Variants in USP11 observed in about 807,000 individuals in gnomAD.
USP11 encodes ubiquitin carboxyl-terminal hydrolase 11.
A neutral mutation model predicts 72.8 loss-of-function variants in USP11; 5 were observed. The observed-to-expected ratio is 0.07, with a 90% CI of 0.04 to 0.14. The LOEUF (loss-of-function observed/expected upper bound fraction) is 0.14. Among genes scored for constraint, USP11 ranks in the 10% least tolerant of loss-of-function variants. The pLI is 1.00. For synonymous variants in USP11, 368 were observed against 326.5 expected, an observed-to-expected ratio of 1.13 and a Z score of -1.37; for missense variants, 480 against 794.7, an observed-to-expected ratio of 0.60 and a Z score of 4.76.
intron 17 of USP11, 90 bp from the exon 18 acceptor site, chrX:47,246,982 C>G (rs1370536556): frequency 1.9e-6 from 2 of 1,080,501 alleles, no homozygotes; most frequent in Non-Finnish European, 2.4e-6. Flanking sequence ...GATCGCGCCA[C>G]TGTACTCCAG....
In USP11 at chrX:47,247,964, AAAAG is replaced by A; in HGVS notation, c.*35_*38del. On this transcript the variant is annotated 3_prime_UTR_variant, in exon 21 of 21. Coordinates refer to ENST00000377107, the MANE Select transcript of USP11 (RefSeq NM_001371072.1). ...GGTCCTGCCACAGAAAAAAAAAAAA[AAAAG>A]CCCTCTCTGCAATCTCGCTTCTCGT... 2.6e-6 allele frequency: 3 copies of A among 1,152,463 alleles called. No individual in the cohort carries two copies. Among genetic ancestry groups the A allele is most frequent in the Middle Eastern group, 2.5e-4 (1 of 3,969 alleles). The allele number at this position is 1,152,463 out of a possible 1,213,427, so 95.0% of individuals were successfully genotyped here. A position where few individuals can be genotyped will look rare whatever the true frequency, so the allele number is the denominator to read the frequency against.
In USP11 at chrX:47,242,535, A is replaced by G. The variant is rs371857039; in HGVS notation, c.1488+13A>G. 6.4e-5 allele frequency: 77 copies of G among 1,209,701 alleles called. No individual in the cohort carries two copies. The African/African-American group carries it at 1.1e-3, about 18-fold the overall frequency. ...CTCGCCAGAGAGGGTGAGACTGCAG[A>G]AGGAGGCTGGATGGGATTCCAGGGC... On this transcript the variant is annotated intron_variant, in intron 11 of 20. Transcript: ENST00000377107.
Position 47,241,710 on chromosome X carries a change from C to A in USP11, c.1179+11C>A. 8.5e-7 allele frequency: 1 copy of A among 1,174,596 alleles called. No homozygotes were observed. Among genetic ancestry groups the A allele is most frequent in the Non-Finnish European group, 1.1e-6 (1 of 878,541 alleles). On this transcript the variant is annotated intron_variant, in intron 9 of 20. Transcript: ENST00000377107. Reference sequence around the variant, plus strand: ...GGGCGACCGGATCAGGTAGGCTGCCCCCGCATTTGCAGTCCAATTAACATC... The same window carrying A: ...GGGCGACCGGATCAGGTAGGCTGCCACCGCATTTGCAGTCCAATTAACATC...
chrX:47,236,317 C>T (rs1052033789), intron 1 of USP11, among the ~76,000 whole-genome samples: 2 of 112,262 alleles, frequency 1.8e-5, no homozygotes, highest in African/African-American at 3.2e-5. Context: ...TTATTGCTGT[C>T]CATTTTCCAT....
At chrX:47,245,112 G>A (rs755473507) in intron 16 of USP11, 26 bp downstream of exon 16, 5 of 1,201,577 alleles carry the variant, frequency 4.2e-6, no homozygotes, top group Non-Finnish European at 5.6e-6. Context: ...GGGATGGGGG[G>A]TACTTCCAGC....
intron 2 of USP11, 33 bp downstream of exon 2, chrX:47,239,212 C>T: frequency 1.7e-6 from 2 of 1,186,840 alleles, no homozygotes; most frequent in Non-Finnish European, 2.3e-6. Flanking sequence ...TCACCCTAGC[C>T]CTGGAGTTCT....
intron 9 of USP11, 66 bp from the exon 10 acceptor site, chrX:47,242,016 C>T: frequency 3.6e-6 from 4 of 1,113,655 alleles, no homozygotes; most frequent in Non-Finnish European, 1.2e-6. Context: ...CATTTGAATG[C>T]ACCCCAAGCC....
At chrX:47,233,455 T>A in intron 1 of USP11, 1 of 1,044,938 alleles carries the variant, frequency 9.6e-7, no homozygotes. Flanking sequence ...AAATGGGGTT[T>A]GTTGTGATGA....
chrX:47,239,684 T>G (rs750426192), intron 3 of USP11, 106 bp from the exon 4 acceptor site: 33 of 990,507 alleles, frequency 3.3e-5, no homozygotes, highest in Admixed American at 6.9e-5. Flanking sequence ...ATATGTGTGT[T>G]TGTATGCTAT....
intron 12 of USP11, 68 bp from the exon 13 acceptor site, chrX:47,243,328 C>A: frequency 9.1e-7 from 1 of 1,100,522 alleles, no homozygotes; most frequent in Non-Finnish European, 1.2e-6. Flanking sequence ...GTGGGTGGGG[C>A]AGCCAGGGCA....
In USP11 at chrX:47,245,423, G is replaced by A. The variant is rs758253722; in HGVS notation, c.2211G>A (p.Arg737=). The A allele has an allele frequency of 1.3e-5, 16 of 1,210,327 alleles. No individual in the cohort carries two copies. The East Asian group carries it at 3.8e-4, about 29-fold the overall frequency. Residue 737 remains arginine (R), a synonymous_variant, in exon 17 of 21, where the codon CGG becomes CGA. Coordinates refer to ENST00000377107, the MANE Select transcript of USP11 (RefSeq NM_001371072.1). Reference sequence around the variant, plus strand: ...ACGTGATGAAGAAGGCTCCCGTGCGGCTGCAGGAGTGCATTGAGCTCTTCA... The same window carrying A: ...ACGTGATGAAGAAGGCTCCCGTGCGACTGCAGGAGTGCATTGAGCTCTTCA... The part of the protein sequence containing the change: ...VGYVMKKAPV[R]LQECIELFTT...
intron 1 of USP11, among the ~76,000 whole-genome samples, chrX:47,234,490 A>AAT (rs771984399): frequency 3.1e-4 from 35 of 112,187 alleles, no homozygotes; most frequent in African/African-American, 1.1e-3. Context: ...TGTGAAAAAT[A>AAT]ATATCCTTGT....
chrX:47,245,060 C>T lies in USP11; in HGVS notation c.2131C>T (p.Arg711Cys). 1 of 1,211,596 alleles carries T rather than the reference C, an allele frequency of 8.3e-7. No homozygotes were observed. Among genetic ancestry groups the T allele is most frequent in the Non-Finnish European group, 1.1e-6 (1 of 895,405 alleles). The change falls in exon 16 of 21, where the codon CGT becomes TGT. Residue 711 changes from arginine to cysteine, a missense_variant. Arg to Cys is a radical substitution (Grantham distance 180). This residue lies in a region of USP11 where 314 missense variants were observed against 556.0 expected (regional missense o/e 0.56). Transcript: ENST00000377107. The part of the protein sequence containing the change: ...AIDWEPEMKK[R>C]YYDEVEAEGY... Reference sequence around the variant, plus strand: ...CGACTGGGAGCCAGAGATGAAGAAGCGTTACTATGACGAGGTAGAGGCTGA... The same window carrying T: ...CGACTGGGAGCCAGAGATGAAGAAGTGTTACTATGACGAGGTAGAGGCTGA...
intron 1 of USP11, among the ~76,000 whole-genome samples, chrX:47,235,644 G>A (rs2055368769): frequency 9.1e-6 from 1 of 109,599 alleles, no homozygotes; most frequent in Non-Finnish European, 1.9e-5. Flanking sequence ...GGCCATATTG[G>A]ACTCTTGCTG....
At chrX:47,234,181 G>A (rs1452264648) in intron 1 of USP11, among the ~76,000 whole-genome samples, 8 of 110,724 alleles carry the variant, frequency 7.2e-5, no homozygotes, top group African/African-American at 2.3e-4. Flanking sequence ...CCAGATTGAC[G>A]GACATCCTGT....
chrX:47,240,314 T>G lies in USP11; in HGVS notation c.545T>G (p.Leu182Trp). ...FSHTDSIGLV[L>W]RTARERFLVE... ...CCATCACCCCGCACAGGCCTAGTAT[T>G]GCGCACAGCTCGGGAGCGGTTTCTG... Residue 182 changes from leucine to tryptophan, a missense_variant, in exon 5 of 21, where the codon TTG becomes TGG. This residue lies in a region of USP11 where 80 missense variants were observed against 100.9 expected (regional missense o/e 0.79). Coordinates refer to ENST00000377107, the MANE Select transcript of USP11 (RefSeq NM_001371072.1). 1 of 1,210,774 alleles carries G rather than the reference T, an allele frequency of 8.3e-7. No homozygotes were observed. Among genetic ancestry groups the G allele is most frequent in the South Asian group, 1.8e-5 (1 of 56,738 alleles).
In USP11 at chrX:47,247,893, G is replaced by T. The variant is rs757802231; in HGVS notation, c.2726G>T (p.Ser909Ile). 3 of 1,198,754 alleles carry T rather than the reference G, an allele frequency of 2.5e-6. No individual in the cohort carries two copies. In the South Asian group the frequency reaches 5.4e-5, roughly 22 times the overall value. The change falls in exon 21 of 21, where the codon AGC (serine) becomes ATC (isoleucine). Residue 909 changes from serine to isoleucine, a missense_variant. Coordinates refer to ENST00000377107, the MANE Select transcript of USP11 (RefSeq NM_001371072.1). ...GGCGCCCCAGCCTCCCCTGCCTGCA[G>T]CTCCCCACCCAGCTCTGAGTTCATG... ...SSGAPASPAC[S>I]SPPSSEFMDV...
At chrX:47,236,531 G>A (rs1396766624) in intron 1 of USP11, among the ~76,000 whole-genome samples, 1 of 112,170 alleles carries the variant, frequency 8.9e-6, no homozygotes, top group Non-Finnish European at 1.9e-5. Flanking sequence ...TGTATTTTAA[G>A]GCAAATTCAA....
chrX:47,240,415 A>G lies in USP11; in HGVS notation c.646A>G (p.Ile216Val). 8.3e-7 allele frequency: 1 copy of G among 1,211,768 alleles called. No homozygotes were observed. Among genetic ancestry groups the G allele is most frequent in the Non-Finnish European group, 1.1e-6 (1 of 895,514 alleles). Residue 216 changes from isoleucine (I) to valine (V), a missense_variant, in exon 5 of 21, where the codon ATC (isoleucine) becomes GTC (valine). By Grantham distance (29) the Ile-to-Val change is conservative. Transcript: ENST00000377107. ...GSLDRLYDTH[I>V]TVLDAALETG... is the part of the protein sequence containing the mutation. Reference sequence around the variant, plus strand: ...TTTGGATAGGTTGTATGACACACACATCACGGTTCTCGATGCGGCCCTTGA... The same window carrying G: ...TTTGGATAGGTTGTATGACACACACGTCACGGTTCTCGATGCGGCCCTTGA...
Sources: allele counts gnomAD v4.1 joint callset (sites outside exome capture counted in the v4.1 genomes callset), GRCh38; gene constraint gnomAD v4.1.1; regional missense constraint gnomAD v4.1.1; transcripts MANE v1.5; gene names NCBI Gene and HGNC (gene_info 2026-07-23, HGNC 2026-07-21).